Variants in SDK1 observed in about 807,000 individuals in gnomAD.
SDK1 encodes the protein protein sidekick-1.
SDK1 carries 157 observed loss-of-function variants against 245.5 expected under a neutral mutation model. The ratio of observed to expected loss-of-function variants is 0.64; its 90% CI spans 0.56 to 0.73. The LOEUF is 0.73. Ranked by LOEUF, SDK1 falls within the 30% of genes least tolerant of loss-of-function variation. The pLI, the probability that SDK1 is intolerant of heterozygous loss-of-function variation, is 0.00. For synonymous variants in SDK1, 1,647 were observed against 1,278.5 expected (o/e 1.29, Z -6.15); for missense variants, 3,583 against 3,002.3 (o/e 1.19, Z -4.52).
At chr7:3,789,322 G>A (rs42233) in intron 4 of SDK1, among the ~76,000 whole-genome samples, 13,761 of 152,052 alleles carry the variant, frequency 0.091, 1,942 homozygotes, top group African/African-American at 0.3. Context: ...TAATTTTTGT[G>A]TTTTTAGTAG....
chr7:4,000,210 T>C (rs995986152), intron 14 of SDK1, among the ~76,000 whole-genome samples: 2 of 152,182 alleles, frequency 1.3e-5, no homozygotes, highest in African/African-American at 4.8e-5. Flanking sequence ...GGGAAGAGCA[T>C]CTGTGAGCTT....
intron 10 of SDK1, among the ~76,000 whole-genome samples, chr7:3,968,212 C>A (rs1210080313): frequency 2.0e-5 from 3 of 152,198 alleles, no homozygotes; most frequent in African/African-American, 7.2e-5. Context: ...GTGCCTTCTG[C>A]AGTCAACCTG....
At chr7:3,391,577 C>T (rs929296829) in intron 1 of SDK1, among the ~76,000 whole-genome samples, 1 of 150,842 alleles carries the variant, frequency 6.6e-6, no homozygotes, top group Non-Finnish European at 1.5e-5. Context: ...TATATATGTA[C>T]AGTGGCACTG....
chr7:3,528,372 G>C (rs1362321234), intron 1 of SDK1, among the ~76,000 whole-genome samples: 2 of 151,770 alleles, frequency 1.3e-5, no homozygotes, highest in Non-Finnish European at 2.9e-5. Context: ...CTGGGTGTCA[G>C]CTAGGGGGTG....
At chr7:3,380,148 A>G (rs1407660904) in intron 1 of SDK1, among the ~76,000 whole-genome samples, 1 of 152,270 alleles carries the variant, frequency 6.6e-6, no homozygotes, top group African/African-American at 2.4e-5. Context: ...AATCAGAAAA[A>G]AAGTTCCTAA....
intron 5 of SDK1, among the ~76,000 whole-genome samples, chr7:3,892,769 C>T (rs1348259787): frequency 6.6e-6 from 1 of 152,226 alleles, no homozygotes; most frequent in Non-Finnish European, 1.5e-5. Flanking sequence ...GCAGCCAGCT[C>T]AGTGCAGCCG....
chr7:3,828,305 A>G (rs1017488171), intron 5 of SDK1, among the ~76,000 whole-genome samples: 2 of 151,970 alleles, frequency 1.3e-5, no homozygotes, highest in Non-Finnish European at 2.9e-5. Flanking sequence ...ATAAATAAAT[A>G]AATTACTATA....
chr7:3,443,292 G>C (rs1780250735), intron 1 of SDK1, among the ~76,000 whole-genome samples: 1 of 152,130 alleles, frequency 6.6e-6, no homozygotes, highest in Non-Finnish European at 1.5e-5. Flanking sequence ...CACTACTTAT[G>C]TTTGACAATT....
intron 20 of SDK1, among the ~76,000 whole-genome samples, chr7:4,073,327 C>A (rs1780383552): frequency 6.6e-6 from 1 of 152,244 alleles, no homozygotes; most frequent in African/African-American, 2.4e-5. Flanking sequence ...CATCACACGT[C>A]TTGGGCCTGC....
chr7:3,447,051 A>T (rs1283217408), intron 1 of SDK1, among the ~76,000 whole-genome samples: 1 of 152,218 alleles, frequency 6.6e-6, no homozygotes, highest in Non-Finnish European at 1.5e-5. Flanking sequence ...CAAGGGACCG[A>T]TTATAGAGCT....
At chr7:3,821,089 C>T (rs939252678) in intron 4 of SDK1, among the ~76,000 whole-genome samples, 1 of 152,180 alleles carries the variant, frequency 6.6e-6, no homozygotes, top group Non-Finnish European at 1.5e-5. Flanking sequence ...GTCCAGCCTT[C>T]TAATTGAAGG....
chr7:3,778,954 C>T (rs149131140), intron 4 of SDK1, among the ~76,000 whole-genome samples: 19 of 152,258 alleles, frequency 1.2e-4, no homozygotes, highest in African/African-American at 3.4e-4. Context: ...GGTTTAACAT[C>T]CTTGACACTT....
rs558453771 is a variant in SDK1, at chr7:3,582,297, A to T, written c.299-36783A>T. ...TCCCTCAGGTAGGTCTGTCTCAGGT[A>T]GGTCTCCCTCAGGTAGGTCTGTCTC... On this transcript the variant is annotated intron_variant, in intron 1 of 44. Coordinates refer to ENST00000404826, the MANE Select transcript of SDK1 (RefSeq NM_152744.4). Among the ~76,000 whole-genome samples the T allele has an allele frequency of 1.1e-3, 171 of 150,038 alleles. 2 individuals carry two copies. Among genetic ancestry groups the T allele is most frequent in the African/African-American group, 3.9e-3 (157 of 40,260 alleles).
intron 4 of SDK1, among the ~76,000 whole-genome samples, chr7:3,671,248 C>G (rs184622483): frequency 1.6e-4 from 25 of 152,328 alleles, no homozygotes; most frequent in African/African-American, 4.3e-4. Flanking sequence ...CTCACTGTCT[C>G]TTCATTTCTT....
chr7:3,705,069 C>T (rs901097060), intron 4 of SDK1, among the ~76,000 whole-genome samples: 1 of 152,128 alleles, frequency 6.6e-6, no homozygotes, highest in African/African-American at 2.4e-5. Context: ...GTATCAGTAC[C>T]ATGCTGTTTT....
chr7:3,813,575 T>A (rs1779437891), intron 4 of SDK1, among the ~76,000 whole-genome samples: 1 of 150,928 alleles, frequency 6.6e-6, no homozygotes, highest in African/African-American at 2.5e-5. Context: ...TAAACATACA[T>A]GTGCATGTGT....
chr7:4,057,490 G>A (rs1779275756), intron 19 of SDK1, among the ~76,000 whole-genome samples: 1 of 152,180 alleles, frequency 6.6e-6, no homozygotes, highest in South Asian at 2.1e-4. Flanking sequence ...TAAGGAGCCA[G>A]GGGATTGTCC....
chr7:3,359,547 C>T (rs912348421), intron 1 of SDK1, among the ~76,000 whole-genome samples: 55 of 152,056 alleles, frequency 3.6e-4, no homozygotes, highest in African/African-American at 1.3e-3. Context: ...ATGAGTATTT[C>T]TACACCTGGC....
chr7:4,080,372 AAGC>A (rs1454159650), intron 22 of SDK1, among the ~76,000 whole-genome samples: 1 of 152,196 alleles, frequency 6.6e-6, no homozygotes, highest in Non-Finnish European at 1.5e-5. Flanking sequence ...GTTCCAATAA[AAGC>A]AGGAGGAAAA....
Sources: allele counts gnomAD v4.1 joint callset (sites outside exome capture counted in the v4.1 genomes callset), GRCh38; gene constraint gnomAD v4.1.1; transcripts MANE v1.5; gene names NCBI Gene and HGNC (gene_info 2026-07-23, HGNC 2026-07-21).